Variants in PDE1C observed in about 807,000 individuals in gnomAD.
PDE1C encodes dual specificity calcium/calmodulin-dependent 3',5'-cyclic nucleotide phosphodiesterase 1C.
In PDE1C, 62 loss-of-function variants were observed where a neutral mutation model predicts 93.1. The observed-to-expected ratio is 0.67, with a 90% CI of 0.54 to 0.82. The LOEUF is 0.82. Ranked by LOEUF, PDE1C falls within the 40% of genes least tolerant of loss-of-function variation. The pLI, the probability that PDE1C is intolerant of heterozygous loss-of-function variation, is 0.00. For missense variants in PDE1C, 742 were observed against 884.6 expected (o/e 0.84, Z 2.04); for synonymous variants, 325 against 310.1 (o/e 1.05, Z -0.50).
rs762760666 is a variant in PDE1C, at chr7:31,850,718, G to T, written c.774C>A (p.Ile258=). 8 of 1,612,814 alleles carry T rather than the reference G, an allele frequency of 5.0e-6. No homozygotes were observed. The South Asian group carries it at 7.7e-5, about 16-fold the overall frequency. ...TGGCAGCTGAGAAGATTATAGCAAA[G>T]ATCTCCAGCTCCGTCAGCCAGTTCT... ...GVANWLTELE[I]FAIIFSAAIH... The change falls in exon 8 of 18, where the codon ATC becomes ATA. Residue 258 remains isoleucine, a synonymous_variant. Coordinates refer to ENST00000396191, the MANE Select transcript of PDE1C (RefSeq NM_001191057.4).
intron 1 of PDE1C, among the ~76,000 whole-genome samples, chr7:32,417,278 C>CTT (rs111750487): frequency 2.1e-5 from 3 of 142,108 alleles, no homozygotes; most frequent in Admixed American, 7.1e-5. Flanking sequence ...AAAGTGATGA[C>CTT]TTTTTTTTTT....
intron 3 of PDE1C, among the ~76,000 whole-genome samples, chr7:32,103,056 T>C (rs1798114468): frequency 6.6e-6 from 1 of 152,200 alleles, no homozygotes; most frequent in South Asian, 2.1e-4. Context: ...TTCCTTGGGC[T>C]AAAAGCACAG....
At chr7:32,215,108 G>C (rs147460217) in intron 1 of PDE1C, among the ~76,000 whole-genome samples, 1 of 152,078 alleles carries the variant, frequency 6.6e-6, no homozygotes, top group Non-Finnish European at 1.5e-5. Flanking sequence ...CCACAGAACC[G>C]AGCAGCCCAT....
chr7:31,669,234 AT>A, the PDE1C span, among the ~76,000 whole-genome samples: 1 of 151,560 alleles, frequency 6.6e-6, no homozygotes, highest in Non-Finnish European at 1.5e-5. Flanking sequence ...AATGCTGTAG[AT>A]TTTTTTTCTT....
At chr7:31,794,986 A>G (rs1270627843) in intron 16 of PDE1C, among the ~76,000 whole-genome samples, 4 of 151,974 alleles carry the variant, frequency 2.6e-5, no homozygotes, top group Admixed American at 2.0e-4. Flanking sequence ...TGTTTTCACT[A>G]TGGCTCCAGG....
intron 2 of PDE1C, among the ~76,000 whole-genome samples, chr7:31,993,880 G>A (rs4720051): frequency 0.053 from 8,087 of 152,102 alleles, 298 homozygotes; most frequent in Non-Finnish European, 0.075. Flanking sequence ...TATAACTGGC[G>A]ATATGCAATA....
chr7:31,618,141 A>T, the PDE1C span, among the ~76,000 whole-genome samples: 1 of 152,180 alleles, frequency 6.6e-6, no homozygotes, highest in African/African-American at 2.4e-5. Context: ...AGGAGCAAGG[A>T]CTATGACTAA....
chr7:31,762,393 T>A (rs903278764), intron 17 of PDE1C, among the ~76,000 whole-genome samples: 1 of 152,110 alleles, frequency 6.6e-6, no homozygotes, highest in African/African-American at 2.4e-5. Context: ...CAGCCTGGAG[T>A]GCAGTGGCGC....
intron 1 of PDE1C, among the ~76,000 whole-genome samples, chr7:32,290,502 C>T (rs1562654348): frequency 6.6e-6 from 1 of 152,148 alleles, no homozygotes; most frequent in Admixed American, 6.5e-5. Context: ...CCCAACAACG[C>T]AACAAAGAAG....
the PDE1C span, among the ~76,000 whole-genome samples, chr7:31,650,958 G>T: frequency 6.6e-6 from 1 of 152,162 alleles, no homozygotes; most frequent in Non-Finnish European, 1.5e-5. Context: ...TTGCAGATGA[G>T]CACTGTCACT....
intron 3 of PDE1C, among the ~76,000 whole-genome samples, chr7:32,147,770 G>C (rs907333691): frequency 4.0e-5 from 6 of 151,804 alleles, no homozygotes; most frequent in Admixed American, 3.9e-4. Context: ...CTGAGGGGTT[G>C]AGATAGTCCT....
intron 2 of PDE1C, among the ~76,000 whole-genome samples, chr7:32,036,960 TG>T (rs1468782073): frequency 1.3e-5 from 2 of 152,240 alleles, no homozygotes; most frequent in Non-Finnish European, 2.9e-5. Flanking sequence ...CTGGTAATTC[TG>T]ATACCATTTG....
chr7:31,804,435 A>T (rs1584174899), intron 16 of PDE1C, among the ~76,000 whole-genome samples: 1 of 151,838 alleles, frequency 6.6e-6, no homozygotes, highest in Non-Finnish European at 1.5e-5. Context: ...TCCTCATTGC[A>T]TGGGTTGCTC....
chr7:31,785,995 C>T (rs1045275135), intron 16 of PDE1C: 3 of 152,142 alleles, frequency 2.0e-5, no homozygotes, highest in African/African-American at 7.2e-5. Context: ...TATTACTTTC[C>T]ATTTGTTCAT....
At position 31,966,552 on chromosome 7, in the gene PDE1C, A is replaced by C. The variant is rs547737085; in HGVS notation, c.128+85002T>G. On this transcript the variant is annotated intron_variant, in intron 2 of 17. Coordinates refer to ENST00000396191, the MANE Select transcript of PDE1C (RefSeq NM_001191057.4). ...ACTGTCAACATTAGACAGATCAATG[A>C]GACAGAACATTAACAAGGATACCCA... 1.8e-4 allele frequency among the ~76,000 whole-genome samples: 27 copies of C among 152,342 alleles called. 1 individual carries two copies. The South Asian group carries it at 4.6e-3, about 26-fold the overall frequency.
chr7:31,822,353 G>A (rs1383781544), intron 14 of PDE1C, among the ~76,000 whole-genome samples: 2 of 152,076 alleles, frequency 1.3e-5, no homozygotes. Flanking sequence ...CGCTACCTGT[G>A]CACAAGGGCA....
intron 1 of PDE1C, among the ~76,000 whole-genome samples, chr7:32,261,105 G>A (rs4723139): frequency 0.56 from 84,900 of 151,622 alleles, 25,322 homozygotes; most frequent in Admixed American, 0.67. Context: ...GCGAGACTTC[G>A]TCTCAGAAAA....
At chr7:32,367,837 G>A (rs1342839163) in intron 1 of PDE1C, among the ~76,000 whole-genome samples, 1 of 152,080 alleles carries the variant, frequency 6.6e-6, no homozygotes, top group East Asian at 1.9e-4. Context: ...CAGCTACTCA[G>A]GAGGCTGAGG....
chr7:32,399,498 T>C (rs1410778506), intron 1 of PDE1C, among the ~76,000 whole-genome samples: 1 of 151,972 alleles, frequency 6.6e-6, no homozygotes, highest in Non-Finnish European at 1.5e-5. Flanking sequence ...TATGTCCTCA[T>C]GTGGCAGAGA....
Sources: gnomAD v4.1 joint callset for allele counts (sites outside exome capture counted in the v4.1 genomes callset) on GRCh38, gnomAD v4.1.1 for gene constraint, MANE v1.5 for transcripts, NCBI Gene and HGNC (gene_info 2026-07-23, HGNC 2026-07-21) for gene names.